The following ZRANB3 variants were observed in gnomAD, a reference collection of about 807,000 sequenced individuals.
ZRANB3 encodes zinc finger RANBP2-type containing 3, also known as DNA annealing helicase and endonuclease ZRANB3.
Under a neutral mutation model 133.8 loss-of-function variants are expected in ZRANB3, and 125 were observed. The observed-to-expected ratio is 0.93, with a 90% CI of 0.81 to 1.08. ZRANB3 has a LOEUF of 1.08. Ranked by LOEUF, ZRANB3 falls within the 50% of genes least tolerant of loss-of-function variation. The pLI, the probability that ZRANB3 is intolerant of heterozygous loss-of-function variation, is 0.00. For missense variants in ZRANB3, 1,229 were observed against 1,275.5 expected (o/e 0.96, Z 0.56); for synonymous variants, 387 against 432.7 (o/e 0.89, Z 1.31).
intron 6 of ZRANB3, among the ~76,000 whole-genome samples, chr2:135,322,387 G>A: frequency 6.6e-6 from 1 of 152,058 alleles, no homozygotes. Context: ...TTATTGCACA[G>A]AATCCACTGA....
At chr2:135,504,534 A>G in intron 1 of ZRANB3, 38 bp from the exon 2 acceptor site, 2 of 1,545,384 alleles carry the variant, frequency 1.3e-6, no homozygotes, top group African/African-American at 1.4e-5. Context: ...GAGGGGTATA[A>G]GAAATAGATA....
intron 6 of ZRANB3, among the ~76,000 whole-genome samples, chr2:135,316,983 A>AAAAATAT (rs35114507): frequency 6.8e-5 from 9 of 131,472 alleles, no homozygotes; most frequent in African/African-American, 2.9e-4. Context: ...AAAAAAAAAA[A>AAAAATAT]ATATATATAT....
chr2:135,491,281 G>T (rs527456670), intron 2 of ZRANB3, among the ~76,000 whole-genome samples: 3 of 152,260 alleles, frequency 2.0e-5, no homozygotes, highest in African/African-American at 7.2e-5. Flanking sequence ...ATACCTAACA[G>T]AAGGTAAAAG....
At position 135,349,966 on chromosome 2, in the gene ZRANB3, G is replaced by T; in HGVS notation, c.591+18C>A. On this transcript the variant is annotated intron_variant, in intron 5 of 20. Transcript: ENST00000264159. ...CCCCTTCTCTTCTTTTAAGTTCGAA[G>T]TATAAGGATTGTAATACCTCTTCAG... is the stretch of plus-strand genomic sequence containing the variant. The T allele has an allele frequency of 6.2e-7, 1 of 1,608,188 alleles. No homozygotes were observed.
At chr2:135,418,925 CTTTTTTTT>C (rs769271961) in intron 2 of ZRANB3, among the ~76,000 whole-genome samples, 1,264 of 85,862 alleles carry the variant, frequency 0.015, 22 homozygotes, top group African/African-American at 0.046. Flanking sequence ...AGGATTCTCT[CTTTTTTTT>C]TTTTTTTTTT....
intron 17 of ZRANB3, among the ~76,000 whole-genome samples, chr2:135,215,143 C>T (rs1265537357): frequency 6.6e-6 from 1 of 152,206 alleles, no homozygotes. Flanking sequence ...GTCTCAAGCT[C>T]TTGACCTCAA....
intron 5 of ZRANB3, among the ~76,000 whole-genome samples, 163 bp from the exon 6 acceptor site, chr2:135,345,798 T>G (rs1034222871): frequency 2.6e-5 from 4 of 152,042 alleles, no homozygotes; most frequent in African/African-American, 9.7e-5. Context: ...CCGTTATCTG[T>G]TGTATAAATA....
At chr2:135,313,709 A>C (rs1683116189) in intron 7 of ZRANB3, 104 bp from the exon 8 acceptor site, 1 of 622,724 alleles carries the variant, frequency 1.6e-6, no homozygotes, top group African/African-American at 1.9e-5. Context: ...TCTCTATAGA[A>C]AGATATAAAA....
intron 8 of ZRANB3, among the ~76,000 whole-genome samples, chr2:135,293,519 T>C (rs997412252): frequency 1.3e-5 from 2 of 152,204 alleles, no homozygotes; most frequent in Non-Finnish European, 2.9e-5. Flanking sequence ...GTTTTCTAGA[T>C]ATACAATCAT....
chr2:135,384,656 G>A (rs1358924610), intron 3 of ZRANB3, among the ~76,000 whole-genome samples: 1 of 152,050 alleles, frequency 6.6e-6, no homozygotes, highest in African/African-American at 2.4e-5. Context: ...TGATCAAGTC[G>A]GCTTCATCCC....
At chr2:135,259,645 C>T (rs1299640158) in intron 12 of ZRANB3, among the ~76,000 whole-genome samples, 4 of 151,916 alleles carry the variant, frequency 2.6e-5, no homozygotes, top group Admixed American at 6.6e-5. Flanking sequence ...CTTGAACTCT[C>T]GACCTCAGCT....
At position 135,315,454 on chromosome 2, in the gene ZRANB3, T is replaced by C. The variant is rs750507380; in HGVS notation, c.754A>G (p.Ile252Val). The C allele has an allele frequency of 1.9e-6, 3 of 1,600,618 alleles. No individual in the cohort carries two copies. The highest frequency in any genetic ancestry group is 1.3e-5 in the African/African-American group (1 of 74,308). ...TCAGTCTTTAATCTTCTAATCATTA[T>C]GTCACTTAATAGCTGGTGAAGTTCA... ...LNELHQLLSDIMIRRLKTEVL... is the reference protein window; with the variant it reads ...LNELHQLLSDVMIRRLKTEVL... Residue 252 changes from isoleucine to valine, a missense_variant, in exon 7 of 21, where the codon ATA (isoleucine) becomes GTA (valine). By Grantham distance (29) the Ile-to-Val change is conservative (BLOSUM62 3). Coordinates refer to ENST00000264159, the MANE Select transcript of ZRANB3 (RefSeq NM_032143.4).
intron 12 of ZRANB3, among the ~76,000 whole-genome samples, chr2:135,241,136 C>G (rs566733751): frequency 6.6e-6 from 1 of 152,070 alleles, no homozygotes; most frequent in South Asian, 2.1e-4. Context: ...TTCTATTATT[C>G]TTTGATAGTT....
intron 8 of ZRANB3, among the ~76,000 whole-genome samples, chr2:135,289,051 T>C (rs1288416571): frequency 6.6e-6 from 1 of 152,108 alleles, no homozygotes; most frequent in African/African-American, 2.4e-5. Flanking sequence ...CAGTTTTTGA[T>C]GCCGGCATTT....
intron 4 of ZRANB3, among the ~76,000 whole-genome samples, chr2:135,351,530 C>T (rs888248035): frequency 2.0e-5 from 3 of 152,024 alleles, no homozygotes; most frequent in South Asian, 2.1e-4. Flanking sequence ...CGTGAGCCAC[C>T]GTGCCTGGCC....
chr2:135,280,996 A>G (rs1203979521), intron 8 of ZRANB3, among the ~76,000 whole-genome samples: 1 of 152,178 alleles, frequency 6.6e-6, no homozygotes, highest in Non-Finnish European at 1.5e-5. Context: ...CCTTTGATGT[A>G]TAAACCCTTG....
chr2:135,220,264 T>C (rs1032365343), intron 15 of ZRANB3, among the ~76,000 whole-genome samples: 2 of 151,434 alleles, frequency 1.3e-5, no homozygotes, highest in African/African-American at 4.9e-5. Flanking sequence ...CTATTTCCTT[T>C]ATAAAGGGGA....
intron 2 of ZRANB3, among the ~76,000 whole-genome samples, chr2:135,413,279 C>T (rs942298075): frequency 2.6e-5 from 4 of 152,100 alleles, no homozygotes; most frequent in African/African-American, 9.7e-5. Flanking sequence ...TCAACCAATC[C>T]TAGATCTATC....
intron 3 of ZRANB3, among the ~76,000 whole-genome samples, chr2:135,376,036 A>G (rs1686414513): frequency 6.6e-6 from 1 of 152,182 alleles, no homozygotes; most frequent in African/African-American, 2.4e-5. Flanking sequence ...CCTTAATTCA[A>G]TCTGACCAGT....
Sources: allele counts gnomAD v4.1 joint callset (sites outside exome capture counted in the v4.1 genomes callset), GRCh38; gene constraint gnomAD v4.1.1; transcripts MANE v1.5; gene names NCBI Gene and HGNC (gene_info 2026-07-23, HGNC 2026-07-21).